AGMO: variants seen among roughly 807,000 people sequenced by gnomAD.
AGMO encodes glyceryl-ether monooxygenase.
AGMO carries 75 observed loss-of-function variants against 60.2 expected under a neutral mutation model. The observed-to-expected ratio is 1.25, with a 90% CI of 1.03 to 1.51. The LOEUF (loss-of-function observed/expected upper bound fraction) is 1.51. Among genes scored for constraint, AGMO ranks in the 40% most tolerant of loss-of-function variants. The pLI is 0.00. For missense variants in AGMO, 763 were observed against 525.5 expected, an observed-to-expected ratio of 1.45 and a Z score of -4.42; for synonymous variants, 261 against 177.1, an observed-to-expected ratio of 1.47 and a Z score of -3.76.
chr7:15,248,527 G>A (rs748909237), intron 12 of AGMO, among the ~76,000 whole-genome samples: 14 of 152,066 alleles, frequency 9.2e-5, no homozygotes, highest in Non-Finnish European at 1.6e-4. Flanking sequence ...CTAAGGGCAA[G>A]TGGTGACTTA....
chr7:15,185,622 T>C, the AGMO span, among the ~76,000 whole-genome samples: 2 of 152,076 alleles, frequency 1.3e-5, no homozygotes, highest in African/African-American at 4.8e-5. Context: ...GGAGGCCAGG[T>C]GTCAACCAGA....
the AGMO span, among the ~76,000 whole-genome samples, chr7:15,133,166 A>C: frequency 6.6e-6 from 1 of 152,166 alleles, no homozygotes; most frequent in Non-Finnish European, 1.5e-5. Context: ...GGGAAGAATA[A>C]ATGTGACATA....
intron 4 of AGMO, among the ~76,000 whole-genome samples, chr7:15,421,085 C>T (rs1780909004): frequency 6.6e-6 from 1 of 152,082 alleles, no homozygotes; most frequent in African/African-American, 2.4e-5. Flanking sequence ...TATCATGAAG[C>T]AAGAAACAAT....
chr7:15,546,427 G>T (rs1023457617), intron 2 of AGMO, among the ~76,000 whole-genome samples: 6 of 152,182 alleles, frequency 3.9e-5, no homozygotes, highest in Admixed American at 6.5e-5. Flanking sequence ...TTGCCAATCT[G>T]AGCAATACTC....
chr7:15,352,669 C>G (rs1256758866), intron 12 of AGMO, among the ~76,000 whole-genome samples: 2 of 151,826 alleles, frequency 1.3e-5, no homozygotes, highest in Non-Finnish European at 2.9e-5. Flanking sequence ...CAGGCAACAG[C>G]AAGCCCATAA....
At chr7:15,407,486 C>A (rs943974335) in intron 5 of AGMO, among the ~76,000 whole-genome samples, 1 of 151,048 alleles carries the variant, frequency 6.6e-6, no homozygotes, top group South Asian at 2.1e-4. Flanking sequence ...GAAATGGAAG[C>A]AAAGTAGAAG....
chr7:15,381,299 C>G (rs931535235), intron 10 of AGMO, among the ~76,000 whole-genome samples: 1 of 152,080 alleles, frequency 6.6e-6, no homozygotes, highest in Non-Finnish European at 1.5e-5. Flanking sequence ...GGTATAATAT[C>G]AAGCATCTAT....
intron 3 of AGMO, among the ~76,000 whole-genome samples, chr7:15,533,679 T>G (rs977644816): frequency 6.6e-6 from 1 of 152,130 alleles, no homozygotes; most frequent in African/African-American, 2.4e-5. Flanking sequence ...TTCCACTATA[T>G]TCCTATATTT....
At chr7:15,257,335 T>C (rs1446228185) in intron 12 of AGMO, among the ~76,000 whole-genome samples, 1 of 152,182 alleles carries the variant, frequency 6.6e-6, no homozygotes, top group Non-Finnish European at 1.5e-5. Context: ...ACTATGGACA[T>C]ATTAATATTA....
At chr7:15,166,328 G>C in the AGMO span, among the ~76,000 whole-genome samples, 2 of 152,126 alleles carry the variant, frequency 1.3e-5, no homozygotes, top group African/African-American at 4.8e-5. Context: ...CCGGTGGATG[G>C]AGCAATGAGT....
At chr7:15,255,477 C>T (rs1301486092) in intron 12 of AGMO, among the ~76,000 whole-genome samples, 1 of 148,352 alleles carries the variant, frequency 6.7e-6, no homozygotes, top group East Asian at 2.0e-4. Context: ...GGATTGCATT[C>T]TTCCGAATTC....
At chr7:15,172,337 CT>C in the AGMO span, among the ~76,000 whole-genome samples, 1 of 152,056 alleles carries the variant, frequency 6.6e-6, no homozygotes, top group African/African-American at 2.4e-5. Context: ...TATAGCATAC[CT>C]TTCCAATTCA....
intron 12 of AGMO, among the ~76,000 whole-genome samples, chr7:15,256,955 T>G (rs1346480667): frequency 6.6e-6 from 1 of 152,174 alleles, no homozygotes; most frequent in Non-Finnish European, 1.5e-5. Context: ...AGGTAGGCAT[T>G]CCATGGTGTT....
At chr7:15,298,883 C>A (rs1784476166) in intron 12 of AGMO, among the ~76,000 whole-genome samples, 1 of 152,008 alleles carries the variant, frequency 6.6e-6, no homozygotes, top group Non-Finnish European at 1.5e-5. Flanking sequence ...ATTGTCCACC[C>A]CTCTAATTCA....
At chr7:15,493,229 CTTGT>C (rs1290719930) in intron 3 of AGMO, among the ~76,000 whole-genome samples, 4 of 151,522 alleles carry the variant, frequency 2.6e-5, no homozygotes, top group East Asian at 1.9e-4. Context: ...CCAAATTCAG[CTTGT>C]TTGTTTTTTT....
intron 3 of AGMO, among the ~76,000 whole-genome samples, chr7:15,438,475 T>A (rs558836421): frequency 2.6e-5 from 4 of 152,344 alleles, no homozygotes; most frequent in African/African-American, 7.2e-5. Context: ...TCATGTTGCA[T>A]ATTAACACTT....
chr7:15,362,612 A>G (rs1782809032), intron 12 of AGMO, among the ~76,000 whole-genome samples: 1 of 152,092 alleles, frequency 6.6e-6, no homozygotes, highest in African/African-American at 2.4e-5. Flanking sequence ...GGCAACATCT[A>G]CTCTTGAAGA....
chr7:15,436,279 C>G (rs1408227909), intron 3 of AGMO, among the ~76,000 whole-genome samples: 2 of 151,562 alleles, frequency 1.3e-5, no homozygotes, highest in Non-Finnish European at 2.9e-5. Context: ...ATTTATTTTT[C>G]ACAGTCCCTG....
chr7:15,513,316 C>T (rs1203241469), intron 3 of AGMO, among the ~76,000 whole-genome samples: 2 of 136,710 alleles, frequency 1.5e-5, no homozygotes, highest in African/African-American at 5.5e-5. Flanking sequence ...GTTGTGGATA[C>T]ACCTGGCATT....
Sources: allele counts gnomAD v4.1 joint callset (sites outside exome capture counted in the v4.1 genomes callset), GRCh38; gene constraint gnomAD v4.1.1; transcripts MANE v1.5; gene names NCBI Gene and HGNC (gene_info 2026-07-23, HGNC 2026-07-21).